Variants in NKAIN2 observed in about 807,000 individuals in gnomAD.
NKAIN2 encodes sodium/potassium transporting ATPase interacting 2, also known as sodium/potassium-transporting ATPase subunit beta-1-interacting protein 2.
A neutral mutation model predicts 32.6 loss-of-function variants in NKAIN2; 14 were observed. The ratio of observed to expected loss-of-function variants is 0.43; its 90% CI spans 0.28 to 0.67. NKAIN2 has a LOEUF of 0.67. Ranked by LOEUF, NKAIN2 falls within the 30% of genes least tolerant of loss-of-function variation. The pLI is 0.17. For missense variants in NKAIN2, 198 were observed against 258.3 expected, an observed-to-expected ratio of 0.77 and a Z score of 1.60; for synonymous variants, 80 against 87.2, an observed-to-expected ratio of 0.92 and a Z score of 0.46.
At chr6:124,804,815 T>TA (rs1562392971) in intron 5 of NKAIN2, among the ~76,000 whole-genome samples, 1 of 152,198 alleles carries the variant, frequency 6.6e-6, no homozygotes, top group Non-Finnish European at 1.5e-5. Context: ...TTAACGGGCT[T>TA]AAAAAATGGC....
chr6:123,864,598 A>C (rs1775911457), intron 1 of NKAIN2, among the ~76,000 whole-genome samples: 1 of 152,182 alleles, frequency 6.6e-6, no homozygotes. Flanking sequence ...ATTTGTGGTA[A>C]GGTGACATTT....
At chr6:124,359,653 C>G (rs555690261) in intron 3 of NKAIN2, among the ~76,000 whole-genome samples, 23 of 152,268 alleles carry the variant, frequency 1.5e-4, no homozygotes, top group African/African-American at 4.1e-4. Context: ...AGTTGCCTAT[C>G]AGCTTAAGGA....
chr6:123,910,499 G>GTTTTTTTTTTTTGTTTTTTTTTTTTT (rs1775118616), intron 1 of NKAIN2, among the ~76,000 whole-genome samples: 2 of 81,320 alleles, frequency 2.5e-5, no homozygotes, highest in African/African-American at 1.0e-4. Context: ...TGCAATGCAT[G>GTTTTTTTTTTTTGTTTTTTTTTTTTT]TTTTTTTTTT....
intron 1 of NKAIN2, among the ~76,000 whole-genome samples, chr6:124,128,483 C>G (rs1323287888): frequency 6.6e-6 from 1 of 152,082 alleles, no homozygotes; most frequent in African/African-American, 2.4e-5. Flanking sequence ...ATGTGCCTGG[C>G]CTAATCTAAG....
intron 3 of NKAIN2, among the ~76,000 whole-genome samples, chr6:124,614,411 C>T (rs923469415): frequency 6.6e-6 from 1 of 152,062 alleles, no homozygotes; most frequent in Non-Finnish European, 1.5e-5. Context: ...ATTAATCATC[C>T]ACCCATATCC....
chr6:124,808,791 G>C (rs1780726659), intron 5 of NKAIN2, among the ~76,000 whole-genome samples: 1 of 152,126 alleles, frequency 6.6e-6, no homozygotes, highest in African/African-American at 2.4e-5. Context: ...AAAGTCTCAG[G>C]ATACAAAATC....
intron 1 of NKAIN2, among the ~76,000 whole-genome samples, chr6:124,015,961 C>T (rs549061705): frequency 1.3e-5 from 2 of 152,146 alleles, no homozygotes; most frequent in East Asian, 3.8e-4. Context: ...TACAGTCAGT[C>T]TGCATTGCTG....
chr6:124,815,225 C>CATATATATATATATATATATATATATAT (rs56841213), intron 5 of NKAIN2, among the ~76,000 whole-genome samples: 9 of 136,998 alleles, frequency 6.6e-5, no homozygotes, highest in African/African-American at 1.8e-4. Context: ...TATATATATA[C>CATATATATATATATATATATATATATAT]ATATATATAT....
intron 1 of NKAIN2, among the ~76,000 whole-genome samples, chr6:124,163,042 C>T (rs1012628540): frequency 6.6e-6 from 1 of 151,936 alleles, no homozygotes; most frequent in Admixed American, 6.6e-5. Flanking sequence ...AAAAGTTTAT[C>T]ATATTTATAC....
chr6:124,061,633 A>G (rs2114857057), intron 1 of NKAIN2, among the ~76,000 whole-genome samples: 1 of 152,076 alleles, frequency 6.6e-6, no homozygotes, highest in South Asian at 2.1e-4. Flanking sequence ...TGTTTTAACA[A>G]TTTTTAAAGG....
intron 3 of NKAIN2, among the ~76,000 whole-genome samples, chr6:124,356,862 A>G (rs927141112): frequency 4.6e-5 from 7 of 152,204 alleles, no homozygotes; most frequent in African/African-American, 1.7e-4. Flanking sequence ...TAATCACCTT[A>G]AAAATTGTAA....
At chr6:124,762,450 G>C in intron 4 of NKAIN2, among the ~76,000 whole-genome samples, 1 of 152,136 alleles carries the variant, frequency 6.6e-6, no homozygotes, top group Non-Finnish European at 1.5e-5. Context: ...GAATTTAAAA[G>C]TTGGGAGGGG....
intron 1 of NKAIN2, among the ~76,000 whole-genome samples, chr6:123,878,013 G>A (rs572888595): frequency 6.6e-6 from 1 of 152,240 alleles, no homozygotes; most frequent in Non-Finnish European, 1.5e-5. Flanking sequence ...GATCACCTGA[G>A]GCCGGGAGTT....
chr6:124,199,535 T>C (rs538146820), intron 1 of NKAIN2, among the ~76,000 whole-genome samples: 3 of 152,158 alleles, frequency 2.0e-5, no homozygotes, highest in Admixed American at 2.0e-4. Flanking sequence ...CATGAAGATA[T>C]AGTCAGTCCC....
At chr6:124,499,149 G>A (rs1778185275) in intron 3 of NKAIN2, among the ~76,000 whole-genome samples, 1 of 152,104 alleles carries the variant, frequency 6.6e-6, no homozygotes, top group African/African-American at 2.4e-5. Flanking sequence ...TTAGATGATT[G>A]CTACAAGTTA....
At chr6:124,439,383 C>T (rs1775595635) in intron 3 of NKAIN2, among the ~76,000 whole-genome samples, 4 of 150,704 alleles carry the variant, frequency 2.7e-5, no homozygotes, top group Admixed American at 2.0e-4. Context: ...CTCCATGAAA[C>T]ACTCTCATCT....
intron 4 of NKAIN2, among the ~76,000 whole-genome samples, chr6:124,778,153 C>T (rs1474875885): frequency 6.6e-6 from 1 of 152,054 alleles, no homozygotes; most frequent in Non-Finnish European, 1.5e-5. Context: ...CTTGCTCTCC[C>T]CCTGAGCTCT....
At chr6:124,665,999 T>C (rs1164531918) in intron 4 of NKAIN2, among the ~76,000 whole-genome samples, 1 of 152,136 alleles carries the variant, frequency 6.6e-6, no homozygotes, top group Non-Finnish European at 1.5e-5. Context: ...GGACAAACTG[T>C]CTTGTGCCTG....
At chr6:123,807,420 T>C (rs968168946) in intron 1 of NKAIN2, among the ~76,000 whole-genome samples, 9 of 152,120 alleles carry the variant, frequency 5.9e-5, no homozygotes, top group South Asian at 4.1e-4. Flanking sequence ...CTTTTTATCA[T>C]TGCTGTCCTT....
Sources: allele counts gnomAD v4.1 joint callset (sites outside exome capture counted in the v4.1 genomes callset), GRCh38; gene constraint gnomAD v4.1.1; transcripts MANE v1.5; gene names NCBI Gene and HGNC (gene_info 2026-07-23, HGNC 2026-07-21).